ULK4: variants seen among roughly 807,000 people sequenced by gnomAD.
The protein encoded by ULK4 is inactive serine/threonine-protein kinase ULK4.
ULK4 carries 133 observed loss-of-function variants against 160.6 expected under a neutral mutation model. The ratio of observed to expected loss-of-function variants is 0.83; its 90% CI spans 0.72 to 0.96. The LOEUF is 0.96. Among genes scored for constraint, ULK4 ranks in the 40% least tolerant of loss-of-function variants. The pLI, the probability that ULK4 is intolerant of heterozygous loss-of-function variation, is 0.00. For missense variants in ULK4, 1,580 were observed against 1,499.5 expected (o/e 1.05, Z -0.89); for synonymous variants, 534 against 539.8 (o/e 0.99, Z 0.15).
chr3:41,689,639 T>C (rs1257325271), intron 27 of ULK4, among the ~76,000 whole-genome samples: 4 of 152,088 alleles, frequency 2.6e-5, no homozygotes, highest in East Asian at 3.9e-4. Flanking sequence ...AGGACATGAA[T>C]ACACACTTCT....
intron 35 of ULK4, among the ~76,000 whole-genome samples, chr3:41,337,044 G>A (rs910582574): frequency 6.6e-6 from 1 of 152,034 alleles, no homozygotes; most frequent in Non-Finnish European, 1.5e-5. Context: ...ACCTCTACTT[G>A]GGCCTTAGCT....
intron 35 of ULK4, among the ~76,000 whole-genome samples, chr3:41,302,386 C>T (rs939270083): frequency 4.0e-4 from 61 of 152,074 alleles, no homozygotes; most frequent in African/African-American, 1.2e-3. Context: ...TAGGGCTTTT[C>T]GTATGTCTGG....
intron 22 of ULK4, among the ~76,000 whole-genome samples, chr3:41,735,961 G>C (rs1446472010): frequency 5.3e-5 from 8 of 149,984 alleles, no homozygotes; most frequent in Non-Finnish European, 1.0e-4. Context: ...TTGTCCTTGC[G>C]ATAGTTTGCT....
intron 35 of ULK4, among the ~76,000 whole-genome samples, chr3:41,307,653 C>G (rs1333674329): frequency 1.3e-5 from 2 of 151,952 alleles, no homozygotes; most frequent in African/African-American, 2.4e-5. Context: ...ACAGTGAGAC[C>G]CCATCTCTAC....
intron 34 of ULK4, 40 bp downstream of exon 34, chr3:41,455,457 C>T: frequency 6.5e-7 from 1 of 1,545,654 alleles, no homozygotes; most frequent in Non-Finnish European, 8.9e-7. Flanking sequence ...ATTACTTCAA[C>T]TTCAGTAATG....
chr3:41,600,536 A>T (rs2031987915), intron 31 of ULK4, among the ~76,000 whole-genome samples: 1 of 152,158 alleles, frequency 6.6e-6, no homozygotes, highest in Admixed American at 6.5e-5. Context: ...ACTTGGGGGA[A>T]AGCAACATGG....
At chr3:41,858,753 C>T (rs2042430806) in intron 17 of ULK4, among the ~76,000 whole-genome samples, 2 of 151,506 alleles carry the variant, frequency 1.3e-5, no homozygotes, top group Admixed American at 1.3e-4. Context: ...GATCTGCCTA[C>T]CTCAGTCTCC....
chr3:41,935,209 A>ATTTTTTTTT (rs10524611), intron 4 of ULK4, among the ~76,000 whole-genome samples: 12 of 135,554 alleles, frequency 8.9e-5, no homozygotes, highest in African/African-American at 2.9e-4. Context: ...TTATTTATTT[A>ATTTTTTTTT]TTTTTTTTTT....
chr3:41,789,454 C>T (rs1331706275), intron 21 of ULK4, among the ~76,000 whole-genome samples: 1 of 152,104 alleles, frequency 6.6e-6, no homozygotes, highest in Non-Finnish European at 1.5e-5. Context: ...TAGGCAGAAG[C>T]CATTTAAAGA....
At chr3:41,907,438 A>C (rs1466722217) in intron 12 of ULK4, among the ~76,000 whole-genome samples, 2 of 152,026 alleles carry the variant, frequency 1.3e-5, no homozygotes, top group Non-Finnish European at 2.9e-5. Context: ...CTAGGGCTAC[A>C]GGTGTGCACC....
intron 32 of ULK4, among the ~76,000 whole-genome samples, chr3:41,508,435 TG>T (rs2085466256): frequency 6.6e-6 from 1 of 152,070 alleles, no homozygotes; most frequent in South Asian, 2.1e-4. Context: ...ATACTTAACC[TG>T]GCAACCCTAA....
intron 31 of ULK4, among the ~76,000 whole-genome samples, chr3:41,591,156 T>C (rs1001796424): frequency 3.9e-5 from 6 of 152,116 alleles, no homozygotes; most frequent in Admixed American, 6.5e-5. Context: ...GACTTATTAG[T>C]AACTGTGCAA....
rs1279366181 is a variant in ULK4, at chr3:41,306,203, CCGCCCGGGAGGGAGGTGGGGG to C, written c.3679-56650_3679-56630del. 4.5e-5 allele frequency among the ~76,000 whole-genome samples: 4 copies of C among 88,718 alleles called. 1 individual carries two copies. The East Asian group carries it at 1.4e-3, about 31-fold the overall frequency. 58.2% of individuals were successfully genotyped at this position (88,718 alleles called of 152,430 possible). On this transcript the variant is annotated intron_variant, in intron 35 of 36. Transcript: ENST00000301831. Reference sequence around the variant, plus strand: ...GAGGTGGGGGGGTCAGCCCCCCACCCCGCCCGGGAGGGAGGTGGGGGCGTCAGCCCCCCGCCCGGCCAGCCG... The same window carrying C: ...GAGGTGGGGGGGTCAGCCCCCCACCCCGTCAGCCCCCCGCCCGGCCAGCCG...
At chr3:41,603,545 T>C (rs1408827487) in intron 31 of ULK4, among the ~76,000 whole-genome samples, 1 of 152,092 alleles carries the variant, frequency 6.6e-6, no homozygotes, top group Non-Finnish European at 1.5e-5. Context: ...ATACACATTT[T>C]TTTTCAGGCA....
At chr3:41,276,716 A>G (rs1054502968) in intron 35 of ULK4, among the ~76,000 whole-genome samples, 2 of 152,260 alleles carry the variant, frequency 1.3e-5, no homozygotes, top group South Asian at 4.1e-4. Context: ...GTGTTTTCCT[A>G]GTAAAGAACT....
intron 32 of ULK4, among the ~76,000 whole-genome samples, chr3:41,495,922 T>C (rs2084972520): frequency 6.6e-6 from 1 of 152,000 alleles, no homozygotes; most frequent in African/African-American, 2.4e-5. Flanking sequence ...TTTTAAAACT[T>C]TGAGTTGAGA....
intron 32 of ULK4, among the ~76,000 whole-genome samples, chr3:41,515,014 G>A (rs1435584784): frequency 1.3e-5 from 2 of 152,090 alleles, no homozygotes; most frequent in African/African-American, 4.8e-5. Context: ...CAGCATGTTG[G>A]GAGGCTGGGG....
intron 5 of ULK4, among the ~76,000 whole-genome samples, chr3:41,930,898 A>G (rs1699570502): frequency 6.6e-6 from 1 of 152,246 alleles, no homozygotes. Context: ...GTGGGAATGT[A>G]GATTGGTTCA....
intron 21 of ULK4, among the ~76,000 whole-genome samples, chr3:41,784,424 C>T (rs1238576340): frequency 6.6e-6 from 1 of 151,972 alleles, no homozygotes; most frequent in African/African-American, 2.4e-5. Context: ...TCAAGCAAAA[C>T]TCCGTCTCAA....
Sources: gnomAD v4.1 joint callset for allele counts (sites outside exome capture counted in the v4.1 genomes callset) on GRCh38, gnomAD v4.1.1 for gene constraint, MANE v1.5 for transcripts, NCBI Gene and HGNC (gene_info 2026-07-23, HGNC 2026-07-21) for gene names.